NFKB1: variants seen among roughly 807,000 people sequenced by gnomAD.
NFKB1 encodes nuclear factor kappa B subunit 1.
NFKB1 carries 9 observed loss-of-function variants against 105.1 expected under a neutral mutation model. That is an observed-to-expected ratio of 0.09 (90% confidence interval 0.05 to 0.15). The LOEUF is 0.15. NFKB1 is among the 10% of genes least tolerant of loss of function. The pLI, the probability that NFKB1 is intolerant of heterozygous loss-of-function variation, is 1.00. For missense variants in NFKB1, 830 were observed against 1,203.7 expected (o/e 0.69, Z 4.59); for synonymous variants, 440 against 442.2 (o/e 1.00, Z 0.06).
At chr4:102,589,686 A>G (rs1447616192) in intron 11 of NFKB1, among the ~76,000 whole-genome samples, 1 of 152,216 alleles carries the variant, frequency 6.6e-6, no homozygotes, top group Non-Finnish European at 1.5e-5. Context: ...CATAAGCATG[A>G]CAAAACTGAC....
intron 5 of NFKB1, among the ~76,000 whole-genome samples, chr4:102,561,261 T>TTTCC (rs1723404393): frequency 8.4e-6 from 1 of 118,728 alleles, no homozygotes; most frequent in South Asian, 3.3e-4. Context: ...TCTTTCTTTC[T>TTTCC]TTCCTTTTTT....
At chr4:102,575,622 TC>T (rs1172797897) in intron 6 of NFKB1, among the ~76,000 whole-genome samples, 1 of 152,184 alleles carries the variant, frequency 6.6e-6, no homozygotes, top group Non-Finnish European at 1.5e-5. Context: ...TACTTACTGT[TC>T]CTTTTGCCAC....
intron 2 of NFKB1, among the ~76,000 whole-genome samples, chr4:102,526,319 C>T (rs1320382412): frequency 6.6e-6 from 1 of 151,976 alleles, no homozygotes; most frequent in Non-Finnish European, 1.5e-5. Context: ...AGTGGAATGA[C>T]AGACCATGGA....
At chr4:102,550,591 A>G (rs1274461220) in intron 5 of NFKB1, among the ~76,000 whole-genome samples, 1 of 152,186 alleles carries the variant, frequency 6.6e-6, no homozygotes, top group Admixed American at 6.5e-5. Flanking sequence ...TGATAGCAGC[A>G]TGCTTACTCA....
chr4:102,581,269 T>C (rs924004859), intron 9 of NFKB1, among the ~76,000 whole-genome samples: 1 of 152,208 alleles, frequency 6.6e-6, no homozygotes. Flanking sequence ...GCATTCTTTT[T>C]TTAAATAAAA....
At chr4:102,548,793 A>G (rs898514205) in intron 5 of NFKB1, among the ~76,000 whole-genome samples, 1 of 152,060 alleles carries the variant, frequency 6.6e-6, no homozygotes, top group East Asian at 1.9e-4. Context: ...CTTCACATGA[A>G]TACTGTCTTC....
In NFKB1 at chr4:102,584,804, C is replaced by T. The variant is rs4648039; in HGVS notation, c.1050C>T (p.Tyr350=). ...CTAGTGAACCAAAACCTTTCCTCTACTATCCTGAAATCAAAGGTAAGTCAG... is the reference window on the plus strand; with the variant it reads ...CTAGTGAACCAAAACCTTTCCTCTATTATCCTGAAATCAAAGGTAAGTCAG... ...LETSEPKPFL[Y]YPEIKDKEEV... The change falls in exon 11 of 24, where the codon TAC becomes TAT. Residue 350 remains tyrosine (Y), a synonymous_variant. Transcript: ENST00000226574. The T allele has an allele frequency of 0.023, 36,778 of 1,607,472 alleles. 537 individuals are homozygous for T. Among genetic ancestry groups the T allele is most frequent in the Non-Finnish European group, 0.027 (32,357 of 1,177,226 alleles).
chr4:102,552,716 A>T (rs879310472), intron 5 of NFKB1, among the ~76,000 whole-genome samples: 1 of 152,198 alleles, frequency 6.6e-6, no homozygotes, highest in Non-Finnish European at 1.5e-5. Context: ...TACTTCATAT[A>T]CTTTGTGTTT....
In NFKB1 at chr4:102,580,581, A is replaced by G; in HGVS notation, c.777A>G (p.Thr259=). 3 of 1,613,984 alleles carry G rather than the reference A, an allele frequency of 1.9e-6. No individual in the cohort carries two copies. The highest frequency in any genetic ancestry group is 2.2e-5 in the South Asian group (2 of 91,080). The change falls in exon 9 of 24, where the codon ACA becomes ACG. Residue 259 remains threonine, a synonymous_variant. Transcript: ENST00000226574. ...TGAAAATTGTAAGAATGGACAGGACAGCTGGATGTGTGACTGGAGGGGAGG... is the reference window on the plus strand; with the variant it reads ...TGAAAATTGTAAGAATGGACAGGACGGCTGGATGTGTGACTGGAGGGGAGG... The part of the protein sequence containing the change: ...SNLKIVRMDR[T]AGCVTGGEEI...
intron 1 of NFKB1, among the ~76,000 whole-genome samples, chr4:102,514,010 A>T (rs1413315463): frequency 1.3e-5 from 2 of 151,468 alleles, no homozygotes; most frequent in Non-Finnish European, 2.9e-5. Flanking sequence ...CATCTCTACT[A>T]AAAAAATACA....
rs781210744 is a variant in NFKB1 at position 102,616,824 on chromosome 4, G to A, written c.*230G>A. The stretch of plus-strand genomic sequence containing the variant: ...CTAGCAATCACAACACTGGCTGAGC[G>A]GATGCATCTGGGGATGAGGTTGCTT... On this transcript the variant is annotated 3_prime_UTR_variant, in exon 24 of 24. Coordinates refer to ENST00000226574, the MANE Select transcript of NFKB1 (RefSeq NM_003998.4). The A allele has an allele frequency of 2.0e-5, 8 of 404,804 alleles. No individual in the cohort carries two copies. Among genetic ancestry groups the A allele is most frequent in the East Asian group, 4.5e-5 (1 of 22,454 alleles). 25.1% of individuals were successfully genotyped at this position (404,804 alleles called of 1,614,324 possible).
At chr4:102,604,993 G>A (rs939743016) in intron 16 of NFKB1, among the ~76,000 whole-genome samples, 15 of 149,784 alleles carry the variant, frequency 1.0e-4, no homozygotes, top group Non-Finnish European at 1.8e-4. Context: ...AAACCTCTCC[G>A]ACTCATAAGA....
chr4:102,600,400 A>T (rs545468344), intron 15 of NFKB1, among the ~76,000 whole-genome samples: 2 of 152,336 alleles, frequency 1.3e-5, no homozygotes, highest in East Asian at 3.9e-4. Context: ...AAAGATCTTT[A>T]AAAAACCACC....
intron 1 of NFKB1, among the ~76,000 whole-genome samples, chr4:102,518,457 C>G (rs1356475106): frequency 6.6e-6 from 1 of 152,136 alleles, no homozygotes; most frequent in African/African-American, 2.4e-5. Context: ...AGTGTGATCA[C>G]TGAATTACCA....
chr4:102,553,248 G>C (rs1722751839), intron 5 of NFKB1, among the ~76,000 whole-genome samples: 1 of 152,052 alleles, frequency 6.6e-6, no homozygotes, highest in East Asian at 1.9e-4. Context: ...GAACCTAATT[G>C]CTTCTCTAGC....
intron 5 of NFKB1, among the ~76,000 whole-genome samples, chr4:102,546,154 C>T (rs1307197495): frequency 6.6e-6 from 1 of 151,986 alleles, no homozygotes; most frequent in African/African-American, 2.4e-5. Context: ...GTAGTGATTA[C>T]AAATATTAGC....
At chr4:102,505,031 A>G (rs1327199522) in intron 1 of NFKB1, among the ~76,000 whole-genome samples, 1 of 152,202 alleles carries the variant, frequency 6.6e-6, no homozygotes, top group Non-Finnish European at 1.5e-5. Flanking sequence ...AAAAAGTAGT[A>G]ACATTCTTTT....
chr4:102,539,236 CAAAAA>C (rs550342036), intron 5 of NFKB1, among the ~76,000 whole-genome samples: 1 of 95,644 alleles, frequency 1.0e-5, no homozygotes, highest in Non-Finnish European at 2.1e-5. Context: ...GACTCTGTCT[CAAAAA>C]AAAAAAAAAA....
chr4:102,594,463 C>T (rs1420116875), intron 12 of NFKB1, among the ~76,000 whole-genome samples: 3 of 152,124 alleles, frequency 2.0e-5, no homozygotes, highest in African/African-American at 7.2e-5. Context: ...CCAAAAATGC[C>T]TAAGAATGAA....
Sources: gnomAD v4.1 joint callset for allele counts (sites outside exome capture counted in the v4.1 genomes callset) on GRCh38, gnomAD v4.1.1 for gene constraint, MANE v1.5 for transcripts, NCBI Gene and HGNC (gene_info 2026-07-23, HGNC 2026-07-21) for gene names.